Variants in UTS2B observed in about 807,000 individuals in gnomAD.
UTS2B encodes the protein urotensin-2B.
UTS2B carries 21 observed loss-of-function variants against 19.2 expected under a neutral mutation model. That is an observed-to-expected ratio of 1.09 (90% confidence interval 0.78 to 1.58). The LOEUF (loss-of-function observed/expected upper bound fraction) is 1.58, where lower values mean the gene tolerates loss of function less well. Among genes scored for constraint, UTS2B ranks in the 40% most tolerant of loss-of-function variants. UTS2B has a pLI of 0.00. For missense variants in UTS2B, 138 were observed against 130.3 expected, an observed-to-expected ratio of 1.06 and a Z score of -0.29; for synonymous variants, 57 against 50.2, an observed-to-expected ratio of 1.14 and a Z score of -0.58.
chr3:191,303,339 G>C (rs1717051879), intron 4 of UTS2B, among the ~76,000 whole-genome samples: 1 of 152,104 alleles, frequency 6.6e-6, no homozygotes, highest in Non-Finnish European at 1.5e-5. Context: ...CTTTCAGAGG[G>C]TGGAAGGAAA....
intron 4 of UTS2B, among the ~76,000 whole-genome samples, chr3:191,287,464 A>G (rs1459178028): frequency 6.6e-6 from 1 of 152,128 alleles, no homozygotes; most frequent in Non-Finnish European, 1.5e-5. Context: ...AAATGAATAA[A>G]TGTGATCCAC....
intron 3 of UTS2B, among the ~76,000 whole-genome samples, chr3:191,314,011 A>G (rs1717378025): frequency 6.6e-6 from 1 of 152,222 alleles, no homozygotes; most frequent in African/African-American, 2.4e-5. Flanking sequence ...GATTACAGGC[A>G]TGAGCCACCG....
intron 8 of UTS2B, among the ~76,000 whole-genome samples, chr3:191,269,891 C>T (rs2108564643): frequency 6.6e-6 from 1 of 152,288 alleles, no homozygotes; most frequent in East Asian, 1.9e-4. Context: ...GTGGCAGAGC[C>T]AATTCCCCAA....
intron 1 of UTS2B, chr3:191,329,441 AG>A: frequency 2.2e-6 from 1 of 456,862 alleles, no homozygotes; most frequent in Non-Finnish European, 3.8e-6. Flanking sequence ...GGGGACGCGG[AG>A]CAGGTGGCCG....
chr3:191,269,005 T>C (rs929665869), intron 8 of UTS2B, among the ~76,000 whole-genome samples: 17 of 152,230 alleles, frequency 1.1e-4, no homozygotes, highest in Non-Finnish European at 2.2e-4. Context: ...AAAATGATTC[T>C]TCAGAGAAAT....
chr3:191,308,314 A>C (rs1006094245), intron 3 of UTS2B, among the ~76,000 whole-genome samples: 6 of 152,188 alleles, frequency 3.9e-5, no homozygotes, highest in Admixed American at 6.5e-5. Context: ...CTTTCACTGC[A>C]CTTTGGATCT....
chr3:191,305,903 C>A (rs1200948128), intron 3 of UTS2B, among the ~76,000 whole-genome samples: 1 of 152,140 alleles, frequency 6.6e-6, no homozygotes, highest in Non-Finnish European at 1.5e-5. Context: ...ATTCCAGCAC[C>A]ATTTATTAAA....
chr3:191,272,786 A>G (rs13065190), intron 8 of UTS2B, among the ~76,000 whole-genome samples: 77,914 of 150,922 alleles, frequency 0.52, 20,942 homozygotes, highest in Non-Finnish European at 0.59. Flanking sequence ...GCTTGAACCC[A>G]AAAGGCGAAG....
the UTS2B span, among the ~76,000 whole-genome samples, chr3:191,340,073 ATCACTT>A: frequency 6.6e-6 from 1 of 152,244 alleles, no homozygotes; most frequent in Non-Finnish European, 1.5e-5. Flanking sequence ...ACAAATGTCT[ATCACTT>A]ACACTAAATC....
chr3:191,344,610 G>A, the UTS2B span, among the ~76,000 whole-genome samples: 23,803 of 152,054 alleles, frequency 0.16, 2,788 homozygotes, highest in African/African-American at 0.33. Context: ...ACGGAGTCTC[G>A]CTCTGTCACG....
intron 2 of UTS2B, among the ~76,000 whole-genome samples, chr3:191,321,913 G>C (rs1366989746): frequency 6.6e-6 from 1 of 152,140 alleles, no homozygotes; most frequent in Non-Finnish European, 1.5e-5. Flanking sequence ...TGTAATCCCA[G>C]CTATTCGGGA....
At chr3:191,293,110 T>A (rs914099370) in intron 4 of UTS2B, among the ~76,000 whole-genome samples, 2 of 152,206 alleles carry the variant, frequency 1.3e-5, no homozygotes, top group African/African-American at 4.8e-5. Flanking sequence ...TAAATCTTAT[T>A]TGGTGATGTT....
chr3:191,280,005 C>T (rs906479191), intron 5 of UTS2B, among the ~76,000 whole-genome samples: 1 of 152,032 alleles, frequency 6.6e-6, no homozygotes, highest in Admixed American at 6.6e-5. Flanking sequence ...TGTAGACACA[C>T]ATTTGACACA....
Position 191,304,472 on chromosome 3 carries a change from G to A in UTS2B, c.-125+20C>T, listed in dbSNP as rs1325541406. On this transcript the variant is annotated intron_variant, in intron 4 of 8. Transcript: ENST00000340524. Reference sequence around the variant, plus strand: ...TTCTATTGGCATTTTTCCTTTCCCAGGTACATTTCTCCTACTCACCATTCT... The same window carrying A: ...TTCTATTGGCATTTTTCCTTTCCCAAGTACATTTCTCCTACTCACCATTCT... The A allele has an allele frequency of 6.6e-6, 1 of 152,102 alleles. No homozygotes were observed. Among genetic ancestry groups the A allele is most frequent in the East Asian group, 1.9e-4 (1 of 5,192 alleles). The allele number at this position is 152,102 out of a possible 1,614,324, so 9.4% of individuals were successfully genotyped here.
chr3:191,282,848 C>T (rs1175675419), intron 4 of UTS2B, among the ~76,000 whole-genome samples: 3 of 152,160 alleles, frequency 2.0e-5, no homozygotes, highest in African/African-American at 4.8e-5. Context: ...TCAAGCAGCT[C>T]TTTTAAAAAT....
chr3:191,344,787 C>T, the UTS2B span, among the ~76,000 whole-genome samples: 1 of 152,192 alleles, frequency 6.6e-6, no homozygotes, highest in Non-Finnish European at 1.5e-5. Flanking sequence ...CTCTGTTGCC[C>T]AGGCTGGTCT....
intron 8 of UTS2B, chr3:191,273,381 C>T (rs1374639997): frequency 6.9e-6 from 3 of 431,940 alleles, no homozygotes; most frequent in East Asian, 1.4e-4. Context: ...CTTACATTTA[C>T]CAACCTGCCT....
intron 2 of UTS2B, among the ~76,000 whole-genome samples, chr3:191,323,145 T>TGTTATGTTATTTTATTTTA (rs1553835421): frequency 6.7e-6 from 1 of 148,770 alleles, no homozygotes; most frequent in East Asian, 2.0e-4. Context: ...TTTTATTTTA[T>TGTTATGTTATTTTATTTTA]TTTATTTATT....
intron 3 of UTS2B, among the ~76,000 whole-genome samples, chr3:191,315,358 C>G: frequency 6.6e-6 from 1 of 152,268 alleles, no homozygotes; most frequent in African/African-American, 2.4e-5. Context: ...TCTGTGACCC[C>G]TGATTTACAC....
Sources: gnomAD v4.1 joint callset for allele counts (sites outside exome capture counted in the v4.1 genomes callset) on GRCh38, gnomAD v4.1.1 for gene constraint, MANE v1.5 for transcripts, NCBI Gene and HGNC (gene_info 2026-07-23, HGNC 2026-07-21) for gene names.